GRM7: variants seen among roughly 807,000 people sequenced by gnomAD.
The protein encoded by GRM7 is metabotropic glutamate receptor 7.
Under a neutral mutation model 84.5 loss-of-function variants are expected in GRM7, and 35 were observed. The observed-to-expected ratio is 0.41, with a 90% confidence interval of 0.32 to 0.55. The LOEUF (loss-of-function observed/expected upper bound fraction) is 0.55, where lower values mean the gene tolerates loss of function less well. Among genes scored for constraint, GRM7 ranks in the 20% least tolerant of loss-of-function variants. The pLI is 0.19. For missense variants in GRM7, 1,003 were observed against 1,194.6 expected, an observed-to-expected ratio of 0.84 and a Z score of 2.36; for synonymous variants, 487 against 455.1, an observed-to-expected ratio of 1.07 and a Z score of -0.89.
intron 3 of GRM7, among the ~76,000 whole-genome samples, chr3:7,302,452 TG>T (rs1264157756): frequency 5.3e-5 from 8 of 152,180 alleles, no homozygotes; most frequent in South Asian, 2.1e-4. Flanking sequence ...CTTTTGTGTT[TG>T]TATCAGTTTT....
chr3:7,643,734 A>T (rs1698474927), intron 8 of GRM7, among the ~76,000 whole-genome samples: 2 of 152,162 alleles, frequency 1.3e-5, no homozygotes, highest in African/African-American at 4.8e-5. Context: ...TCCAAATAAG[A>T]GGTTATTAAT....
At chr3:7,166,539 T>G (rs1694805644) in intron 2 of GRM7, among the ~76,000 whole-genome samples, 2 of 152,294 alleles carry the variant, frequency 1.3e-5, no homozygotes, top group Admixed American at 6.5e-5. Context: ...GGAGATTATT[T>G]TGGTGTCATA....
intron 8 of GRM7, among the ~76,000 whole-genome samples, chr3:7,599,526 T>C (rs537508586): frequency 2.0e-5 from 3 of 152,236 alleles, no homozygotes; most frequent in African/African-American, 7.2e-5. Context: ...CAGAAGTAGG[T>C]GTTTGTCTCC....
At chr3:6,867,448 G>C (rs534485111) in intron 1 of GRM7, among the ~76,000 whole-genome samples, 8 of 152,230 alleles carry the variant, frequency 5.3e-5, no homozygotes, top group Admixed American at 2.0e-4. Context: ...TAAACTGCAG[G>C]ATGTATAGGC....
intron 2 of GRM7, among the ~76,000 whole-genome samples, chr3:7,200,231 A>T (rs960215410): frequency 1.3e-5 from 2 of 152,210 alleles, no homozygotes; most frequent in Non-Finnish European, 2.9e-5. Context: ...AACACCTCCC[A>T]CTAGGCCCTA....
At chr3:7,425,676 G>A (rs1696577742) in intron 5 of GRM7, among the ~76,000 whole-genome samples, 1 of 152,128 alleles carries the variant, frequency 6.6e-6, no homozygotes, top group Non-Finnish European at 1.5e-5. Context: ...ATTACAAGAT[G>A]CTATTGCTTT....
At chr3:7,713,114 A>ATTTTTTT (rs1165234212) in intron 9 of GRM7, among the ~76,000 whole-genome samples, 2 of 129,848 alleles carry the variant, frequency 1.5e-5, no homozygotes, top group Admixed American at 8.0e-5. Flanking sequence ...GAGGATTCGA[A>ATTTTTTT]TTTTGTTTTG....
intron 8 of GRM7, among the ~76,000 whole-genome samples, chr3:7,641,489 A>G (rs1698361265): frequency 1.3e-5 from 2 of 152,132 alleles, no homozygotes; most frequent in South Asian, 4.1e-4. Context: ...TTTCTAGGGC[A>G]GTGGTTTTTA....
chr3:7,025,445 G>A (rs528279289), intron 1 of GRM7, among the ~76,000 whole-genome samples: 8 of 152,302 alleles, frequency 5.3e-5, no homozygotes, highest in Non-Finnish European at 2.9e-5. Context: ...AATATACAGC[G>A]TGAGTAGGTG....
chr3:6,970,316 A>G (rs73126796), intron 1 of GRM7, among the ~76,000 whole-genome samples: 2,100 of 152,284 alleles, frequency 0.014, 50 homozygotes, highest in African/African-American at 0.048. Context: ...CCTCCCAACT[A>G]AATCACTGGG....
At chr3:6,938,233 A>G (rs1407668281) in intron 1 of GRM7, among the ~76,000 whole-genome samples, 1 of 152,240 alleles carries the variant, frequency 6.6e-6, no homozygotes, top group South Asian at 2.1e-4. Flanking sequence ...TCTCAAATGT[A>G]TTATAGTGCT....
intron 1 of GRM7, among the ~76,000 whole-genome samples, chr3:6,902,716 G>A (rs765928218): frequency 9.9e-5 from 15 of 152,054 alleles, no homozygotes; most frequent in Non-Finnish European, 1.9e-4. Context: ...AAGATAATTT[G>A]GAGTGTCATC....
intron 5 of GRM7, among the ~76,000 whole-genome samples, chr3:7,445,471 C>T (rs1356719850): frequency 3.3e-5 from 5 of 152,112 alleles, no homozygotes; most frequent in East Asian, 1.9e-4. Context: ...ACAGAAAGTT[C>T]GCAATTAACA....
intron 7 of GRM7, among the ~76,000 whole-genome samples, chr3:7,466,428 TA>T (rs1388240022): frequency 6.6e-6 from 1 of 152,182 alleles, no homozygotes; most frequent in East Asian, 1.9e-4. Context: ...CAGTAATATT[TA>T]AAAATTAGGG....
rs144869929 is a variant in GRM7 at position 7,612,508 on chromosome 3, C to T, written c.2451+33151C>T. Among the ~76,000 whole-genome samples, 11 of 152,070 alleles carry T rather than the reference C, an allele frequency of 7.2e-5. No homozygotes were observed. The East Asian group carries it at 1.9e-3, about 27-fold the overall frequency. ...TTTACAGTGCCCAGCCATGTTTAGG[C>T]GGATCAGGAAAATACTAAGCTCTAA... On this transcript the variant is annotated intron_variant, in intron 8 of 9. Coordinates refer to ENST00000357716, the MANE Select transcript of GRM7 (RefSeq NM_000844.4).
intron 2 of GRM7, among the ~76,000 whole-genome samples, chr3:7,257,887 G>T (rs888865006): frequency 8.6e-5 from 13 of 151,922 alleles, no homozygotes; most frequent in Non-Finnish European, 2.9e-5. Flanking sequence ...TAGGAACATG[G>T]GTGATTAGCC....
rs1331666495 is a variant in GRM7 at position 7,151,554 on chromosome 3, C to T, written c.736+4886C>T. On this transcript the variant is annotated intron_variant, in intron 2 of 9. Transcript: ENST00000357716. The surrounding 1 kb of genome is among the most constrained non-coding windows in gnomAD (Gnocchi z 4.5). ...GTGGTGTGCATTGCCCATTGTTAGT[C>T]TTTGCCAATTTACTTTAAGCTCCAT... 6.6e-6 allele frequency among the ~76,000 whole-genome samples: 1 copy of T among 152,120 alleles called. No individual in the cohort carries two copies. Among genetic ancestry groups the T allele is most frequent in the Admixed American group, 6.5e-5 (1 of 15,268 alleles).
At chr3:7,139,282 G>A (rs902110592) in intron 1 of GRM7, among the ~76,000 whole-genome samples, 2 of 151,584 alleles carry the variant, frequency 1.3e-5, no homozygotes, top group African/African-American at 4.8e-5. Flanking sequence ...GCTGGAAATA[G>A]TTGGTTCTAC....
At chr3:7,577,129 A>G (rs1206490822) in intron 7 of GRM7, among the ~76,000 whole-genome samples, 1 of 152,200 alleles carries the variant, frequency 6.6e-6, no homozygotes, top group African/African-American at 2.4e-5. Flanking sequence ...AAGTCAAGAA[A>G]TTAAATTCTA....
Sources: gnomAD v4.1 joint callset for allele counts (sites outside exome capture counted in the v4.1 genomes callset) on GRCh38, gnomAD v4.1.1 for gene constraint, Gnocchi (gnomAD v3.1) non-coding constraint, MANE v1.5 for transcripts, NCBI Gene and HGNC (gene_info 2026-07-23, HGNC 2026-07-21) for gene names.